Variants in COG7 observed in about 807,000 individuals in gnomAD.
COG7 encodes the protein component of oligomeric golgi complex 7.
Under a neutral mutation model 91.5 loss-of-function variants are expected in COG7, and 49 were observed. The ratio of observed to expected loss-of-function variants is 0.54; its 90% CI spans 0.43 to 0.68. COG7 has a LOEUF of 0.68. Among genes scored for constraint, COG7 ranks in the 30% least tolerant of loss-of-function variants. The probability of loss-of-function intolerance (pLI) is 0.00; values close to 1 mark genes in which losing one functional copy is unlikely to be tolerated. For missense variants in COG7, 895 were observed against 961.3 expected (o/e 0.93, Z 0.91); for synonymous variants, 365 against 388.7 (o/e 0.94, Z 0.72).
intron 8 of COG7, among the ~76,000 whole-genome samples, chr16:23,417,579 C>T (rs2142075662): frequency 6.6e-6 from 1 of 152,226 alleles, no homozygotes; most frequent in African/African-American, 2.4e-5. Context: ...CCAGCCTGGT[C>T]AACATGGCGA....
intron 4 of COG7, among the ~76,000 whole-genome samples, chr16:23,435,561 G>A (rs886786462): frequency 1.3e-5 from 2 of 152,192 alleles, no homozygotes; most frequent in Non-Finnish European, 2.9e-5. Context: ...CAGACAGGAA[G>A]GTGGGTTTCA....
intron 13 of COG7, among the ~76,000 whole-genome samples, chr16:23,401,130 T>C (rs1193161809): frequency 6.6e-6 from 1 of 152,206 alleles, no homozygotes; most frequent in Non-Finnish European, 1.5e-5. Context: ...ACTTCAATAA[T>C]CCATTTTGAA....
chr16:23,424,985 G>T, intron 6 of COG7, 38 bp from the exon 7 acceptor site: 2 of 1,546,656 alleles, frequency 1.3e-6, no homozygotes, highest in Admixed American at 3.8e-5. Context: ...TTAGCACATG[G>T]AGCCAAATAG....
intron 6 of COG7, among the ~76,000 whole-genome samples, chr16:23,430,552 T>A (rs1963918577): frequency 1.3e-5 from 2 of 152,150 alleles, no homozygotes; most frequent in Admixed American, 1.3e-4. Flanking sequence ...ACTCTGTTTT[T>A]TTTTTTTGAG....
chr16:23,437,438 T>TCCTAGATGGTAACTTTCCAACC (rs1186435532), intron 4 of COG7, among the ~76,000 whole-genome samples: 3 of 152,068 alleles, frequency 2.0e-5, no homozygotes, highest in African/African-American at 7.2e-5. Flanking sequence ...GGAACAAAGC[T>TCCTAGATGGTAACTTTCCAACC]CCTAGATGGT....
rs533228834 is a variant in COG7, at chr16:23,419,418, A to G, written c.1010-591T>C. Among the ~76,000 whole-genome samples the G allele has an allele frequency of 6.3e-4, 95 of 150,538 alleles. 1 individual carries two copies. Among genetic ancestry groups the G allele is most frequent in the African/African-American group, 2.2e-3 (92 of 40,894 alleles). ...AAGAGCGAGACTCCATCTCAAAAAAAAAAAAAAAGATAACCCTCATCAAGG... is the reference window on the plus strand; with the variant it reads ...AAGAGCGAGACTCCATCTCAAAAAAGAAAAAAAAGATAACCCTCATCAAGG... On this transcript the variant is annotated intron_variant, in intron 7 of 16. Coordinates refer to ENST00000307149, the MANE Select transcript of COG7 (RefSeq NM_153603.4).
chr16:23,449,245 C>A (rs550123665), intron 1 of COG7, among the ~76,000 whole-genome samples: 4 of 151,894 alleles, frequency 2.6e-5, no homozygotes, highest in Non-Finnish European at 4.4e-5. Flanking sequence ...CGCCTGTAGT[C>A]CCAGCTACTC....
intron 14 of COG7, 88 bp downstream of exon 14, chr16:23,397,957 TG>T: frequency 8.9e-7 from 1 of 1,129,082 alleles, no homozygotes; most frequent in Non-Finnish European, 1.3e-6. Flanking sequence ...ATAGCACCCA[TG>T]GGGAAATGAC....
At chr16:23,396,258 C>G (rs982686918) in intron 14 of COG7, among the ~76,000 whole-genome samples, 13 of 152,328 alleles carry the variant, frequency 8.5e-5, no homozygotes, top group Admixed American at 2.6e-4. Context: ...CTCCTCCTAG[C>G]CCTCATTCCC....
intron 9 of COG7, chr16:23,416,230 C>A (rs1209596546): frequency 6.6e-6 from 1 of 152,228 alleles, no homozygotes; most frequent in Non-Finnish European, 1.5e-5. Flanking sequence ...AGCTTCGCCA[C>A]GTTGACCAGG....
At chr16:23,449,134 C>A (rs779715517) in intron 1 of COG7, among the ~76,000 whole-genome samples, 1 of 151,934 alleles carries the variant, frequency 6.6e-6, no homozygotes, top group African/African-American at 2.4e-5. Context: ...GAGGCCGAGG[C>A]GAGTGGATCA....
At chr16:23,394,368 G>T (rs1219094108) in intron 14 of COG7, among the ~76,000 whole-genome samples, 1 of 152,128 alleles carries the variant, frequency 6.6e-6, no homozygotes, top group African/African-American at 2.4e-5. Flanking sequence ...GTGTATTTTA[G>T]ACCACTGTTT....
chr16:23,426,011 C>T (rs541308202), intron 6 of COG7, among the ~76,000 whole-genome samples: 9 of 151,780 alleles, frequency 5.9e-5, no homozygotes, highest in East Asian at 2.0e-4. Flanking sequence ...GTCATGAGTT[C>T]GAGACCAGCC....
chr16:23,400,997 C>G (rs1472995454), intron 13 of COG7, among the ~76,000 whole-genome samples: 1 of 151,174 alleles, frequency 6.6e-6, no homozygotes, highest in Admixed American at 6.6e-5. Flanking sequence ...GGGAAAACAG[C>G]AGAGAATGTC....
rs115058014 is a variant in COG7, at chr16:23,424,880, G to A, written c.878C>T (p.Ser293Leu). ...GCCGTTGCTGAGGCAGGAGGGCAGC[G>A]AGGGCATGAGGGCCCCCAGGGTCTG... ...LIQTLGALMP[S>L]LPSCLSNGVE... The change falls in exon 7 of 17, where the codon TCG (serine) becomes TTG (leucine). Residue 293 changes from serine (S) to leucine (L), a missense_variant. By Grantham distance (145) the Ser-to-Leu change is moderately radical (BLOSUM62 -2). Transcript: ENST00000307149. 1.7e-5 allele frequency: 27 copies of A among 1,614,062 alleles called. No individual in the cohort carries two copies. Among genetic ancestry groups the A allele is most frequent in the African/African-American group, 6.7e-5 (5 of 74,956 alleles).
At chr16:23,402,113 T>C (rs1435685551) in intron 13 of COG7, among the ~76,000 whole-genome samples, 3 of 152,264 alleles carry the variant, frequency 2.0e-5, no homozygotes, top group South Asian at 4.1e-4. Flanking sequence ...TTTAGATTCA[T>C]TTAGTGTCTC....
intron 9 of COG7, chr16:23,416,417 C>T (rs1963655235): frequency 1.1e-5 from 2 of 180,312 alleles, no homozygotes; most frequent in South Asian, 1.2e-4. Context: ...GTGGAACTGC[C>T]CTGGGAGGTG....
rs539745757 is a variant in COG7 at position 23,410,495 on chromosome 16, A to G, written c.1410-135T>C. ...TCTGGTTCTGGGAAAGCCGTTAAAC[A>G]TCTGCTGGCCTGAAATGTTTCATTC... On this transcript the variant is annotated intron_variant, in intron 10 of 16. Transcript: ENST00000307149. 1.2e-5 allele frequency: 9 copies of G among 748,866 alleles called. No individual in the cohort carries two copies. The South Asian group carries it at 1.3e-4, about 11-fold the overall frequency. The allele number at this position is 748,866 out of a possible 1,614,324, so 46.4% of individuals were successfully genotyped here.
chr16:23,391,194 C>T (rs1428975001), intron 16 of COG7, among the ~76,000 whole-genome samples: 3 of 152,174 alleles, frequency 2.0e-5, no homozygotes, highest in African/African-American at 4.8e-5. Context: ...CACAGATGCT[C>T]GAGCAATGCT....
Sources: allele counts gnomAD v4.1 joint callset (sites outside exome capture counted in the v4.1 genomes callset), GRCh38; gene constraint gnomAD v4.1.1; transcripts MANE v1.5; gene names NCBI Gene and HGNC (gene_info 2026-07-23, HGNC 2026-07-21).